The following PREX2 variants were observed in gnomAD, a reference collection of about 807,000 sequenced individuals.
PREX2 encodes the protein phosphatidylinositol 3,4,5-trisphosphate-dependent Rac exchanger 2 protein.
PREX2 carries 107 observed loss-of-function variants against 203.2 expected under a neutral mutation model. That is an observed-to-expected ratio of 0.53 (90% CI 0.45 to 0.62). PREX2 has a LOEUF of 0.62. Ranked by LOEUF, PREX2 falls within the 20% of genes least tolerant of loss-of-function variation. The probability of loss-of-function intolerance (pLI) is 0.00; values close to 1 mark genes in which losing one functional copy is unlikely to be tolerated. For missense variants in PREX2, 1,777 were observed against 1,955.9 expected, an observed-to-expected ratio of 0.91 and a Z score of 1.72; for synonymous variants, 672 against 663.6, an observed-to-expected ratio of 1.01 and a Z score of -0.19.
rs543530982 is a variant in PREX2, at chr8:68,068,166, T to C, written c.1340-867T>C. ...CATGTTCATCAGTGATATTGGTCTG[T>C]AATTTTCTTTTCTTGTAGTATTCAT... On this transcript the variant is annotated intron_variant, in intron 11 of 39. Coordinates refer to ENST00000288368, the MANE Select transcript of PREX2 (RefSeq NM_024870.4). Among the ~76,000 whole-genome samples, 5 of 152,208 alleles carry C rather than the reference T, an allele frequency of 3.3e-5. No individual in the cohort carries two copies. In the South Asian group the frequency reaches 1.0e-3, roughly 32 times the overall value.
At chr8:68,085,038 G>A (rs769955649) in intron 18 of PREX2, among the ~76,000 whole-genome samples, 15 of 152,094 alleles carry the variant, frequency 9.9e-5, no homozygotes, top group Non-Finnish European at 1.6e-4. Flanking sequence ...CTTAGTGTTC[G>A]TTGCGCTGTG....
chr8:68,150,531 G>T (rs1450008647), intron 34 of PREX2, among the ~76,000 whole-genome samples: 1 of 152,070 alleles, frequency 6.6e-6, no homozygotes, highest in Admixed American at 6.5e-5. Context: ...TCAAATTTGT[G>T]CAAGGAAGTA....
intron 3 of PREX2, among the ~76,000 whole-genome samples, chr8:68,021,279 A>G (rs2129610262): frequency 6.6e-6 from 1 of 152,330 alleles, no homozygotes; most frequent in Admixed American, 6.5e-5. Flanking sequence ...GCCTTGCGAC[A>G]TCACCTAAAG....
In PREX2 at chr8:68,192,315, T is replaced by G; in HGVS notation, c.4414-20T>G. 6.4e-7 allele frequency: 1 copy of G among 1,563,714 alleles called. No homozygotes were observed. The highest frequency in any genetic ancestry group is 8.7e-7 in the Non-Finnish European group (1 of 1,150,398). On this transcript the variant is annotated intron_variant, in intron 36 of 39. Coordinates refer to ENST00000288368, the MANE Select transcript of PREX2 (RefSeq NM_024870.4). Reference sequence around the variant, plus strand: ...TTACTAAACATGTTGAACTTGACGTTCATCACTTTTTTTCTGCAGCTAATG... The same window carrying G: ...TTACTAAACATGTTGAACTTGACGTGCATCACTTTTTTTCTGCAGCTAATG...
At chr8:68,198,202 G>T (rs1585859264) in intron 37 of PREX2, among the ~76,000 whole-genome samples, 2 of 152,110 alleles carry the variant, frequency 1.3e-5, no homozygotes, top group East Asian at 3.8e-4. Flanking sequence ...TTTATATATT[G>T]TACTTCTTTA....
At chr8:68,073,395 G>A (rs1396208267) in intron 14 of PREX2, among the ~76,000 whole-genome samples, 4 of 151,900 alleles carry the variant, frequency 2.6e-5, no homozygotes, top group Non-Finnish European at 5.9e-5. Flanking sequence ...TTTTTCTTAA[G>A]GGTGGCTTGC....
intron 23 of PREX2, chr8:68,103,489 A>G: frequency 1.9e-6 from 1 of 513,550 alleles, no homozygotes; most frequent in Non-Finnish European, 3.9e-6. Context: ...TCAGCGTACA[A>G]ATATGTTTTA....
chr8:68,090,727 T>A lies in PREX2; in HGVS notation c.2250+12T>A. 1.2e-6 allele frequency: 2 copies of A among 1,611,584 alleles called. No individual in the cohort carries two copies. The highest frequency in any genetic ancestry group is 1.7e-6 in the Non-Finnish European group (2 of 1,178,130). On this transcript the variant is annotated intron_variant, in intron 20 of 39. Transcript: ENST00000288368. ...GGCGGCCAACGAAGGTAAGTGGCCC[T>A]TCAGATAATCTGGATCTGAGTGACT...
intron 37 of PREX2, among the ~76,000 whole-genome samples, chr8:68,205,757 A>G (rs1053809312): frequency 4.6e-5 from 7 of 152,256 alleles, no homozygotes; most frequent in African/African-American, 1.7e-4. Context: ...TGATCATTAC[A>G]GGAATGAACA....
intron 11 of PREX2, among the ~76,000 whole-genome samples, chr8:68,067,930 G>A (rs1809069042): frequency 6.6e-6 from 1 of 152,010 alleles, no homozygotes. Context: ...AAAGGATGTT[G>A]AATTTTGACT....
chr8:68,191,750 C>T lies in PREX2; in HGVS notation c.4375C>T (p.Pro1459Ser). Residue 1459 changes from proline to serine, a missense_variant, in exon 36 of 40, where the codon CCA becomes TCA. By Grantham distance (74) the Pro-to-Ser change is moderately conservative. Transcript: ENST00000288368. The part of the protein sequence containing the change: ...RAFYLDKSNS[P>S]PNSTSKAAYV... ...ATTCTACTTGGACAAGTCAAATTCA[C>T]CACCAAACTCCACATCCAAAGCTGC... The T allele has an allele frequency of 6.2e-7, 1 of 1,610,248 alleles. No individual in the cohort carries two copies. Among genetic ancestry groups the T allele is most frequent in the South Asian group, 1.1e-5 (1 of 90,934 alleles).
At chr8:68,151,363 A>G (rs1314024224) in intron 34 of PREX2, among the ~76,000 whole-genome samples, 1 of 152,094 alleles carries the variant, frequency 6.6e-6, no homozygotes, top group Non-Finnish European at 1.5e-5. Context: ...GCTGTAGTGA[A>G]TTATGATAGC....
At chr8:68,006,875 T>C (rs2129609878) in intron 1 of PREX2, among the ~76,000 whole-genome samples, 1 of 152,366 alleles carries the variant, frequency 6.6e-6, no homozygotes, top group South Asian at 2.1e-4. Context: ...TGCATCTTTG[T>C]GGTTATGTAA....
chr8:68,093,064 T>C (rs1037039546), intron 20 of PREX2, among the ~76,000 whole-genome samples: 1 of 152,176 alleles, frequency 6.6e-6, no homozygotes, highest in East Asian at 1.9e-4. Flanking sequence ...CTTTGGAACA[T>C]ATCTTAGAAG....
chr8:68,148,976 G>A (rs532285880), intron 34 of PREX2, among the ~76,000 whole-genome samples: 81 of 152,188 alleles, frequency 5.3e-4, no homozygotes, highest in African/African-American at 1.9e-3. Flanking sequence ...TGAAGGCAGT[G>A]GTAAATGAAA....
intron 23 of PREX2, 76 bp downstream of exon 23, chr8:68,099,919 A>G (rs1810210172): frequency 7.7e-7 from 1 of 1,293,094 alleles, no homozygotes; most frequent in Non-Finnish European, 1.1e-6. Flanking sequence ...TCAATTTTTG[A>G]TATTTTCTTT....
At position 67,976,774 on chromosome 8, in the gene PREX2, G is replaced by A. The variant is rs1020449381; in HGVS notation, c.141+24239G>A. ...CGAGAGAGACAGAGAGAGAGAGACAGAGACAGAGACAGAGCGAGAGGGGAG... is the reference window on the plus strand; with the variant it reads ...CGAGAGAGACAGAGAGAGAGAGACAAAGACAGAGACAGAGCGAGAGGGGAG... On this transcript the variant is annotated intron_variant, in intron 1 of 39. Coordinates refer to ENST00000288368, the MANE Select transcript of PREX2 (RefSeq NM_024870.4). Among the ~76,000 whole-genome samples, 32 of 137,918 alleles carry A rather than the reference G, an allele frequency of 2.3e-4. 1 individual carries two copies. The highest frequency in any genetic ancestry group is 6.8e-4 in the African/African-American group (27 of 39,466). 90.5% of individuals were successfully genotyped at this position (137,918 alleles called of 152,430 possible). A position where few individuals can be genotyped will look rare whatever the true frequency, so the allele number is the denominator to read the frequency against.
At chr8:67,960,026 T>G (rs529639770) in intron 1 of PREX2, among the ~76,000 whole-genome samples, 2 of 149,262 alleles carry the variant, frequency 1.3e-5, no homozygotes, top group Non-Finnish European at 3.0e-5. Context: ...TTCTTCCTTT[T>G]CTTTTCTTTT....
chr8:68,071,513 GA>G (rs1809194492), intron 13 of PREX2, among the ~76,000 whole-genome samples: 1 of 152,114 alleles, frequency 6.6e-6, no homozygotes, highest in Non-Finnish European at 1.5e-5. Flanking sequence ...TTGCAGTTTA[GA>G]ATTTTTGACA....
Sources: gnomAD v4.1 joint callset for allele counts (sites outside exome capture counted in the v4.1 genomes callset) on GRCh38, gnomAD v4.1.1 for gene constraint, MANE v1.5 for transcripts, NCBI Gene and HGNC (gene_info 2026-07-23, HGNC 2026-07-21) for gene names.